The following NKAIN3 variants were observed in gnomAD, a reference collection of about 807,000 sequenced individuals.
NKAIN3 encodes sodium/potassium transporting ATPase interacting 3.
A neutral mutation model predicts 30.2 loss-of-function variants in NKAIN3; 25 were observed. The observed-to-expected ratio is 0.83, with a 90% CI of 0.60 to 1.16. NKAIN3 has a LOEUF of 1.16. Ranked by LOEUF, NKAIN3 falls within the 50% of genes most tolerant of loss-of-function variation. The probability of loss-of-function intolerance (pLI) is 0.00; values close to 1 mark genes in which losing one functional copy is unlikely to be tolerated. For synonymous variants in NKAIN3, 91 were observed against 89.6 expected, an observed-to-expected ratio of 1.02 and a Z score of -0.09; for missense variants, 225 against 254.1, an observed-to-expected ratio of 0.89 and a Z score of 0.78.
At chr8:62,784,597 G>T (rs1220478046) in intron 4 of NKAIN3, among the ~76,000 whole-genome samples, 1 of 151,908 alleles carries the variant, frequency 6.6e-6, no homozygotes, top group Non-Finnish European at 1.5e-5. Flanking sequence ...TACTGAAAAA[G>T]AGAAAATAAA....
At chr8:62,272,291 G>A (rs1812801507) in intron 1 of NKAIN3, among the ~76,000 whole-genome samples, 1 of 152,142 alleles carries the variant, frequency 6.6e-6, no homozygotes, top group Non-Finnish European at 1.5e-5. Context: ...GAGACAAGTA[G>A]GTTATCATAG....
chr8:62,857,437 T>C (rs1045664815), intron 4 of NKAIN3, among the ~76,000 whole-genome samples: 1 of 152,228 alleles, frequency 6.6e-6, no homozygotes, highest in African/African-American at 2.4e-5. Flanking sequence ...TCCTGAAGTA[T>C]GTTTTCCAAA....
intron 3 of NKAIN3, among the ~76,000 whole-genome samples, chr8:62,628,482 A>C (rs557649025): frequency 3.1e-4 from 47 of 152,254 alleles, no homozygotes; most frequent in African/African-American, 1.1e-3. Flanking sequence ...TTCATCATTA[A>C]GTTTTTTCAT....
At chr8:62,267,958 T>C (rs145498828) in intron 1 of NKAIN3, among the ~76,000 whole-genome samples, 217 of 152,330 alleles carry the variant, frequency 1.4e-3, no homozygotes, top group African/African-American at 4.9e-3. Flanking sequence ...TTTACAATAG[T>C]TTTTGTCCTC....
chr8:62,811,618 TG>T (rs1818491221), intron 4 of NKAIN3, among the ~76,000 whole-genome samples: 1 of 77,840 alleles, frequency 1.3e-5, no homozygotes, highest in South Asian at 4.5e-4. Context: ...CATTTTCTGA[TG>T]GCTAACAATG....
At chr8:62,918,093 T>C (rs750809650) in intron 4 of NKAIN3, among the ~76,000 whole-genome samples, 3 of 152,218 alleles carry the variant, frequency 2.0e-5, no homozygotes, top group Non-Finnish European at 4.4e-5. Flanking sequence ...ATAGTTATAG[T>C]TAATTAGTGC....
In NKAIN3 at chr8:62,959,433, GGTGTGT is replaced by G. The variant is rs35737951; in HGVS notation, c.603+5492_603+5497del. On this transcript the variant is annotated intron_variant, in intron 6 of 6. Transcript: ENST00000623646. The stretch of plus-strand genomic sequence containing the variant: ...AGTACCAGCTAGTAGGACAAATCAG[GGTGTGT>G]GTGTGTGTGTGTGTGTGTGTGTGTG... 1.9e-3 allele frequency among the ~76,000 whole-genome samples: 276 copies of G among 143,242 alleles called. 2 individuals are homozygous for G. The highest frequency in any genetic ancestry group is 6.4e-3 in the African/African-American group (243 of 38,044). The allele number at this position is 143,242 out of a possible 152,430, so 94.0% of individuals were successfully genotyped here.
intron 1 of NKAIN3, among the ~76,000 whole-genome samples, chr8:62,561,048 T>C (rs2129978187): frequency 6.6e-6 from 1 of 152,294 alleles, no homozygotes; most frequent in South Asian, 2.1e-4. Context: ...ATGGTTATTG[T>C]CTAAAAGTTT....
At chr8:62,297,806 A>G (rs1813888280) in intron 1 of NKAIN3, among the ~76,000 whole-genome samples, 2 of 152,218 alleles carry the variant, frequency 1.3e-5, no homozygotes, top group African/African-American at 4.8e-5. Context: ...CATTTTGCCC[A>G]GCCATCCCAT....
intron 1 of NKAIN3, among the ~76,000 whole-genome samples, chr8:62,509,282 T>C (rs376828618): frequency 6.6e-6 from 1 of 152,188 alleles, no homozygotes; most frequent in South Asian, 2.1e-4. Context: ...CCTCACCCTA[T>C]ACTTTGCACC....
chr8:62,697,236 C>T (rs1814185085), intron 3 of NKAIN3, among the ~76,000 whole-genome samples: 1 of 152,126 alleles, frequency 6.6e-6, no homozygotes, highest in Admixed American at 6.5e-5. Context: ...TATCTCTTCC[C>T]CACCTCCCCA....
At chr8:62,742,005 G>A (rs918254307) in intron 3 of NKAIN3, among the ~76,000 whole-genome samples, 3 of 151,822 alleles carry the variant, frequency 2.0e-5, no homozygotes, top group African/African-American at 7.3e-5. Context: ...TGATCATCAC[G>A]TATGTAAAGC....
At chr8:62,869,700 G>A (rs1182365440) in intron 4 of NKAIN3, among the ~76,000 whole-genome samples, 9 of 152,252 alleles carry the variant, frequency 5.9e-5, no homozygotes, top group Non-Finnish European at 7.4e-5. Context: ...GGGGCTCCCA[G>A]GCCTTTGGCC....
At chr8:62,632,606 G>A (rs1016143426) in intron 3 of NKAIN3, among the ~76,000 whole-genome samples, 1 of 151,962 alleles carries the variant, frequency 6.6e-6, no homozygotes. Flanking sequence ...AGGTTCAAGC[G>A]ATTCTCCTTC....
intron 1 of NKAIN3, among the ~76,000 whole-genome samples, chr8:62,462,563 C>G (rs576839443): frequency 6.6e-6 from 1 of 152,278 alleles, no homozygotes; most frequent in South Asian, 2.1e-4. Context: ...CTAAATTATA[C>G]TTTTACGTTC....
chr8:62,668,111 TACACACAC>T (rs5891867), intron 3 of NKAIN3, among the ~76,000 whole-genome samples: 1 of 149,128 alleles, frequency 6.7e-6, no homozygotes, highest in African/African-American at 2.4e-5. Flanking sequence ...CACACACACA[TACACACAC>T]ACACACACAC....
intron 6 of NKAIN3, among the ~76,000 whole-genome samples, chr8:62,957,256 C>G (rs1220890516): frequency 6.6e-6 from 1 of 152,130 alleles, no homozygotes; most frequent in Non-Finnish European, 1.5e-5. Context: ...GCCTCAGCCT[C>G]CTGAGTAGCT....
chr8:62,525,505 T>C (rs951825938), intron 1 of NKAIN3, among the ~76,000 whole-genome samples: 4 of 152,174 alleles, frequency 2.6e-5, no homozygotes, highest in African/African-American at 9.7e-5. Context: ...TATTTGGTTT[T>C]TTGTTCCTGT....
At chr8:62,769,906 C>G (rs1239864679) in intron 4 of NKAIN3, among the ~76,000 whole-genome samples, 2 of 152,170 alleles carry the variant, frequency 1.3e-5, no homozygotes, top group Non-Finnish European at 2.9e-5. Flanking sequence ...CCCCAATTAA[C>G]TTTCTCTATT....
Sources: allele counts gnomAD v4.1 joint callset (sites outside exome capture counted in the v4.1 genomes callset), GRCh38; gene constraint gnomAD v4.1.1; transcripts MANE v1.5; gene names NCBI Gene and HGNC (gene_info 2026-07-23, HGNC 2026-07-21).